The following RPS6KA2 variants were observed in gnomAD, a reference collection of about 807,000 sequenced individuals.
The protein encoded by RPS6KA2 is ribosomal protein S6 kinase alpha-2.
Under a neutral mutation model 91.8 loss-of-function variants are expected in RPS6KA2, and 42 were observed. That is an observed-to-expected ratio of 0.46 (90% CI 0.36 to 0.59). The LOEUF (loss-of-function observed/expected upper bound fraction) is 0.59. Among genes scored for constraint, RPS6KA2 ranks in the 20% least tolerant of loss-of-function variants. RPS6KA2 has a pLI of 0.00. For synonymous variants in RPS6KA2, 414 were observed against 393.6 expected, an observed-to-expected ratio of 1.05 and a Z score of -0.61; for missense variants, 798 against 978.5, an observed-to-expected ratio of 0.82 and a Z score of 2.46.
intron 2 of RPS6KA2, among the ~76,000 whole-genome samples, chr6:166,660,146 C>T (rs1289206691): frequency 6.6e-6 from 1 of 152,058 alleles, no homozygotes; most frequent in Non-Finnish European, 1.5e-5. Flanking sequence ...ACTTTTTTTC[C>T]ACTACTTTCA....
rs71032807 is a variant in RPS6KA2 at position 166,492,890 on chromosome 6, ATTTT to A, written c.748-2153_748-2150del. ...GCCACCATGCCTGGCTAATTTTTGT[ATTTT>A]TTTTTTTTTTTTTTTTTAGTAGAGA... On this transcript the variant is annotated intron_variant, in intron 8 of 20. Transcript: ENST00000265678. Among the ~76,000 whole-genome samples the A allele has an allele frequency of 6.5e-3, 676 of 103,548 alleles. 2 individuals carry two copies. Among genetic ancestry groups the A allele is most frequent in the African/African-American group, 0.024 (651 of 27,384 alleles). 67.9% of individuals were successfully genotyped at this position (103,548 alleles called of 152,430 possible).
intron 1 of RPS6KA2, among the ~76,000 whole-genome samples, chr6:166,604,002 C>T (rs529639121): frequency 1.6e-4 from 25 of 152,036 alleles, no homozygotes; most frequent in Middle Eastern, 3.4e-3. Context: ...GAGAAAAGGG[C>T]GAGACTATGA....
At chr6:166,783,628 A>C (rs76460446) in intron 2 of RPS6KA2, among the ~76,000 whole-genome samples, 1 of 151,258 alleles carries the variant, frequency 6.6e-6, no homozygotes, top group African/African-American at 2.4e-5. Flanking sequence ...ACATATCTAT[A>C]ACTGCATATA....
At chr6:166,477,930 C>T (rs1381920999) in intron 10 of RPS6KA2, among the ~76,000 whole-genome samples, 1 of 152,232 alleles carries the variant, frequency 6.6e-6, no homozygotes, top group Non-Finnish European at 1.5e-5. Context: ...GGAGAGGAAA[C>T]AGTGACTCCA....
At chr6:166,607,711 T>C (rs962423614) in intron 1 of RPS6KA2, among the ~76,000 whole-genome samples, 1 of 152,156 alleles carries the variant, frequency 6.6e-6, no homozygotes, top group Non-Finnish European at 1.5e-5. Context: ...ACTTAAAACA[T>C]GGAATTGTAC....
At chr6:166,504,984 G>A (rs1258735769) in intron 5 of RPS6KA2, among the ~76,000 whole-genome samples, 1 of 152,220 alleles carries the variant, frequency 6.6e-6, no homozygotes, top group East Asian at 1.9e-4. Context: ...CATAACAAAT[G>A]TAATACAAGT....
At position 166,435,494 on chromosome 6, in the gene RPS6KA2, C is replaced by A. The variant is rs1016282079; in HGVS notation, c.1333-3004G>T. Reference sequence around the variant, plus strand: ...AAATCATGTAATTGCTTGGTGGAACCCCCAAAGCACCTCTGTCAACAACCA... The same window carrying A: ...AAATCATGTAATTGCTTGGTGGAACACCCAAAGCACCTCTGTCAACAACCA... On this transcript the variant is annotated intron_variant, in intron 14 of 20. Coordinates refer to ENST00000265678, the MANE Select transcript of RPS6KA2 (RefSeq NM_021135.6). The surrounding 1 kb of genome is among the most constrained non-coding windows in gnomAD (Gnocchi z 4.3). Among the ~76,000 whole-genome samples, 1 of 152,164 alleles carries A rather than the reference C, an allele frequency of 6.6e-6. No homozygotes were observed. The highest frequency in any genetic ancestry group is 1.5e-5 in the Non-Finnish European group (1 of 68,032).
At chr6:166,499,630 C>A (rs1233525432) in intron 7 of RPS6KA2, among the ~76,000 whole-genome samples, 1 of 152,200 alleles carries the variant, frequency 6.6e-6, no homozygotes, top group African/African-American at 2.4e-5. Context: ...GTAAGACGTG[C>A]TTTTTCTCCT....
exon 1 of RPS6KA2, chr6:166,862,479 G>A (rs930818318): frequency 2.3e-6 from 2 of 868,968 alleles, no homozygotes; most frequent in South Asian, 2.0e-5. Context: ...AGGAAAGGAG[G>A]GGACGGCGCT....
At position 166,557,050 on chromosome 6, in the gene RPS6KA2, C is replaced by T. The variant is rs552407586; in HGVS notation, c.100-18266G>A. ...AGCAACCAGACCACGGGGCATTAGC[C>T]GGGGCTGACTCATCACATCCCGCCT... On this transcript the variant is annotated intron_variant, in intron 1 of 20. Transcript: ENST00000265678. The surrounding 1 kb of genome is among the most constrained non-coding windows in gnomAD (Gnocchi z 4.8). 3.3e-4 allele frequency among the ~76,000 whole-genome samples: 50 copies of T among 152,336 alleles called. No individual in the cohort carries two copies. Among genetic ancestry groups the T allele is most frequent in the Non-Finnish European group, 5.4e-4 (37 of 68,038 alleles).
At chr6:166,752,847 TTGGGG>T (rs111481364) in intron 2 of RPS6KA2, among the ~76,000 whole-genome samples, 3 of 152,376 alleles carry the variant, frequency 2.0e-5, no homozygotes, top group African/African-American at 4.8e-5. Flanking sequence ...ATGGATACTC[TTGGGG>T]TAATGGTGGC....
chr6:166,480,513 AT>A (rs1562524003), intron 10 of RPS6KA2, among the ~76,000 whole-genome samples: 58 of 96,502 alleles, frequency 6.0e-4, no homozygotes, highest in Middle Eastern at 5.7e-3. Context: ...ATATATATAT[AT>A]AATATATTTT....
At chr6:166,429,287 G>C (rs1456428181) in intron 16 of RPS6KA2, among the ~76,000 whole-genome samples, 1 of 124,670 alleles carries the variant, frequency 8.0e-6, no homozygotes, top group African/African-American at 3.1e-5. Flanking sequence ...GGACTGTTGT[G>C]GGGTGGGGGG....
intron 2 of RPS6KA2, among the ~76,000 whole-genome samples, chr6:166,747,752 G>A (rs1408003017): frequency 6.6e-6 from 1 of 152,232 alleles, no homozygotes; most frequent in East Asian, 1.9e-4. Flanking sequence ...TGCTGAGGAT[G>A]AACTCAGGTC....
chr6:166,677,784 AGGAGAG>A (rs1239018231), intron 2 of RPS6KA2, among the ~76,000 whole-genome samples: 1 of 152,204 alleles, frequency 6.6e-6, no homozygotes, highest in Non-Finnish European at 1.5e-5. Context: ...TAGGTGGAGA[AGGAGAG>A]GGAGTGGACA....
At chr6:166,528,277 C>G (rs1478280091) in intron 3 of RPS6KA2, among the ~76,000 whole-genome samples, 1 of 152,080 alleles carries the variant, frequency 6.6e-6, no homozygotes, top group East Asian at 1.9e-4. Context: ...CATCTACAAC[C>G]ATCTGATCTT....
rs546241023 is a variant in RPS6KA2 at position 166,744,772 on chromosome 6, G to A, written c.123+113428C>T. On this transcript the variant is annotated intron_variant, in intron 2 of 21. Transcript: ENST00000503859. ...TAAAGCGGCACTCCACGTCCCTGGC[G>A]GCGGTGGGGTCGCGAGCCTGCACCT... Among the ~76,000 whole-genome samples the A allele has an allele frequency of 2.4e-4, 36 of 152,284 alleles. No individual in the cohort carries two copies. In the South Asian group the frequency reaches 5.6e-3, roughly 24 times the overall value.
intron 1 of RPS6KA2, among the ~76,000 whole-genome samples, chr6:166,558,088 G>GTACA (rs1784229274): frequency 6.6e-6 from 1 of 151,882 alleles, no homozygotes; most frequent in Non-Finnish European, 1.5e-5. Context: ...ATAGGGGTGT[G>GTACA]TACATATATA....
At chr6:166,616,981 G>A (rs927360098) in intron 1 of RPS6KA2, among the ~76,000 whole-genome samples, 4 of 152,244 alleles carry the variant, frequency 2.6e-5, no homozygotes, top group Non-Finnish European at 4.4e-5. Context: ...AGCCCAGAAG[G>A]TTCATGGGTC....
Sources: allele counts gnomAD v4.1 joint callset (sites outside exome capture counted in the v4.1 genomes callset), GRCh38; gene constraint gnomAD v4.1.1; non-coding constraint Gnocchi (gnomAD v3.1); transcripts MANE v1.5; gene names NCBI Gene and HGNC (gene_info 2026-07-23, HGNC 2026-07-21).